LIN7A: variants seen among roughly 807,000 people sequenced by gnomAD.
LIN7A encodes protein lin-7 homolog A.
Under a neutral mutation model 29.8 loss-of-function variants are expected in LIN7A, and 25 were observed. That is an observed-to-expected ratio of 0.84 (90% confidence interval 0.61 to 1.17). The LOEUF is 1.17. Ranked by LOEUF, LIN7A falls within the 50% of genes most tolerant of loss-of-function variation. The pLI is 0.00. For missense variants in LIN7A, 239 were observed against 287.0 expected, an observed-to-expected ratio of 0.83 and a Z score of 1.21; for synonymous variants, 118 against 107.5, an observed-to-expected ratio of 1.10 and a Z score of -0.60.
chr12:80,887,172 C>A (rs1416519975), intron 2 of LIN7A, among the ~76,000 whole-genome samples: 1 of 152,068 alleles, frequency 6.6e-6, no homozygotes, highest in African/African-American at 2.4e-5. Context: ...TTAATAATTT[C>A]TGTTGATTTT....
chr12:80,927,341 T>G (rs1032084509), intron 1 of LIN7A, among the ~76,000 whole-genome samples: 2 of 151,968 alleles, frequency 1.3e-5, no homozygotes, highest in African/African-American at 4.8e-5. Flanking sequence ...TTTTGTATTT[T>G]TAGCAGAGAC....
chr12:80,903,461 A>G (rs1163886455), intron 1 of LIN7A, among the ~76,000 whole-genome samples: 1 of 151,996 alleles, frequency 6.6e-6, no homozygotes, highest in Admixed American at 6.5e-5. Context: ...TGTGGTATTG[A>G]CTTTGTTTCT....
In LIN7A at chr12:80,848,424, T is replaced by C. The variant is rs1001914004; in HGVS notation, c.202-102A>G. On this transcript the variant is annotated intron_variant, in intron 2 of 5. Transcript: ENST00000552864. Reference sequence around the variant, plus strand: ...TATTTTCACTGTAGGAAAAAAATTCTCTATTGCAAAATAACATAGGTCTGA... The same window carrying C: ...TATTTTCACTGTAGGAAAAAAATTCCCTATTGCAAAATAACATAGGTCTGA... 3 of 836,288 alleles carry C rather than the reference T, an allele frequency of 3.6e-6. No individual in the cohort carries two copies. The African/African-American group carries it at 5.1e-5, about 14-fold the overall frequency. The allele number at this position is 836,288 out of a possible 1,614,324, so 51.8% of individuals were successfully genotyped here.
At chr12:80,915,107 C>A (rs1876960602) in intron 1 of LIN7A, among the ~76,000 whole-genome samples, 2 of 136,686 alleles carry the variant, frequency 1.5e-5, no homozygotes, top group Middle Eastern at 4.1e-3. Context: ...ATATATCTGG[C>A]AAAGGTCTAA....
At chr12:80,904,966 T>G (rs1419685343) in intron 1 of LIN7A, among the ~76,000 whole-genome samples, 1 of 152,190 alleles carries the variant, frequency 6.6e-6, no homozygotes, top group Non-Finnish European at 1.5e-5. Context: ...TTGAAACATC[T>G]TTTGCTCCAT....
chr12:80,924,772 T>A (rs115346008), intron 1 of LIN7A, among the ~76,000 whole-genome samples: 1,878 of 152,318 alleles, frequency 0.012, 34 homozygotes, highest in African/African-American at 0.039. Flanking sequence ...ACACATTTGA[T>A]ATCTGTATAT....
chr12:80,928,235 G>A (rs530850473), intron 1 of LIN7A, among the ~76,000 whole-genome samples: 5 of 151,980 alleles, frequency 3.3e-5, no homozygotes, highest in African/African-American at 4.8e-5. Context: ...TAATGGGATC[G>A]CTGGGTCAAA....
intron 2 of LIN7A, among the ~76,000 whole-genome samples, chr12:80,855,721 G>T (rs1873560787): frequency 6.6e-6 from 1 of 152,080 alleles, no homozygotes; most frequent in Admixed American, 6.6e-5. Context: ...GTCCATGCCT[G>T]CAAAATTAAG....
At chr12:80,862,744 A>G (rs1367826289) in intron 2 of LIN7A, among the ~76,000 whole-genome samples, 2 of 152,230 alleles carry the variant, frequency 1.3e-5, no homozygotes, top group Non-Finnish European at 2.9e-5. Flanking sequence ...ATAAGGCACT[A>G]AATAGATGGC....
At chr12:80,850,694 G>T (rs1160360577) in intron 2 of LIN7A, among the ~76,000 whole-genome samples, 1 of 152,164 alleles carries the variant, frequency 6.6e-6, no homozygotes, top group Non-Finnish European at 1.5e-5. Flanking sequence ...TGTCAATAGG[G>T]CTGAGATTGA....
At chr12:80,904,986 C>T (rs958885356) in intron 1 of LIN7A, among the ~76,000 whole-genome samples, 1 of 151,860 alleles carries the variant, frequency 6.6e-6, no homozygotes, top group African/African-American at 2.4e-5. Flanking sequence ...TGATCATTTA[C>T]TTATTATTAC....
chr12:80,920,365 G>A (rs947393942), intron 1 of LIN7A, among the ~76,000 whole-genome samples: 4 of 152,146 alleles, frequency 2.6e-5, no homozygotes, highest in African/African-American at 7.2e-5. Context: ...TGTGACCTCT[G>A]GGTTAAGGTA....
intron 1 of LIN7A, among the ~76,000 whole-genome samples, chr12:80,907,858 A>G (rs1406834940): frequency 6.6e-6 from 1 of 152,170 alleles, no homozygotes; most frequent in African/African-American, 2.4e-5. Context: ...GAATTATTTA[A>G]AAGTGTTCTA....
intron 5 of LIN7A, among the ~76,000 whole-genome samples, chr12:80,805,750 G>T (rs959535718): frequency 6.6e-6 from 1 of 151,964 alleles, no homozygotes; most frequent in Admixed American, 6.6e-5. Context: ...GTATCTCCCA[G>T]AATTCCCGTG....
At chr12:80,818,287 T>A (rs1871631849) in intron 4 of LIN7A, among the ~76,000 whole-genome samples, 1 of 152,064 alleles carries the variant, frequency 6.6e-6, no homozygotes, top group Non-Finnish European at 1.5e-5. Flanking sequence ...ATTTTAAGAG[T>A]GTGTGTGTTC....
At chr12:80,828,266 A>C (rs563742792) in intron 4 of LIN7A, among the ~76,000 whole-genome samples, 1 of 152,260 alleles carries the variant, frequency 6.6e-6, no homozygotes, top group Non-Finnish European at 1.5e-5. Flanking sequence ...ATACATAAAG[A>C]TTTTCATTCA....
chr12:80,881,962 C>T (rs1875067586), intron 2 of LIN7A, among the ~76,000 whole-genome samples: 1 of 152,242 alleles, frequency 6.6e-6, no homozygotes, highest in African/African-American at 2.4e-5. Context: ...TTACTTTTCT[C>T]TTTATGTGGC....
chr12:80,935,435 C>T (rs1315058606), intron 1 of LIN7A, among the ~76,000 whole-genome samples: 4 of 152,126 alleles, frequency 2.6e-5, no homozygotes, highest in Admixed American at 6.5e-5. Context: ...CTAATTCAAA[C>T]TCCTGATGTG....
At chr12:80,869,904 TAG>T (rs1303349251) in intron 2 of LIN7A, among the ~76,000 whole-genome samples, 1 of 152,164 alleles carries the variant, frequency 6.6e-6, no homozygotes, top group Non-Finnish European at 1.5e-5. Flanking sequence ...TATAAAATTA[TAG>T]AGTCAGATAC....
Sources: allele counts gnomAD v4.1 joint callset (sites outside exome capture counted in the v4.1 genomes callset), GRCh38; gene constraint gnomAD v4.1.1; transcripts MANE v1.5; gene names NCBI Gene and HGNC (gene_info 2026-07-23, HGNC 2026-07-21).